Variants in MTHFD2 observed in about 807,000 individuals in gnomAD.
MTHFD2 encodes bifunctional methylenetetrahydrofolate dehydrogenase/cyclohydrolase, mitochondrial.
MTHFD2 carries 26 observed loss-of-function variants against 36.8 expected under a neutral mutation model. The ratio of observed to expected loss-of-function variants is 0.71; its 90% CI spans 0.52 to 0.98. The LOEUF (loss-of-function observed/expected upper bound fraction) is 0.98. Ranked by LOEUF, MTHFD2 falls within the 50% of genes least tolerant of loss-of-function variation. The pLI, the probability that MTHFD2 is intolerant of heterozygous loss-of-function variation, is 0.00. For synonymous variants in MTHFD2, 164 were observed against 155.2 expected, an observed-to-expected ratio of 1.06 and a Z score of -0.42; for missense variants, 373 against 434.0, an observed-to-expected ratio of 0.86 and a Z score of 1.25.
chr2:74,205,795 C>T lies in MTHFD2; in HGVS notation c.192C>T (p.Gly64=). 1 of 1,613,718 alleles carries T rather than the reference C, an allele frequency of 6.2e-7. No individual in the cohort carries two copies. Among genetic ancestry groups the T allele is most frequent in the Non-Finnish European group, 8.5e-7 (1 of 1,180,016 alleles). Residue 64 remains glycine (G), a synonymous_variant, in exon 2 of 8, where the codon GGC becomes GGT. Coordinates refer to ENST00000394053, the MANE Select transcript of MTHFD2 (RefSeq NM_006636.4). The part of the protein sequence containing the change: ...RQEVEEWVAS[G]NKRPHLSVIL... ...AGGTAGAAGAGTGGGTGGCCTCAGGCAACAAACGGCCACACCTGAGTGTGA... is the reference window on the plus strand; with the variant it reads ...AGGTAGAAGAGTGGGTGGCCTCAGGTAACAAACGGCCACACCTGAGTGTGA...
In MTHFD2 at chr2:74,211,200, T is replaced by C. The variant is rs781146013; in HGVS notation, c.672T>C (p.Gly224=). ...HTDGAHERPG[G]DATVTISHRY... Reference sequence around the variant, plus strand: ...AGACATCTATTTTTTTCTTTCTAGGTGATGCCACTGTTACAATATCTCATC... The same window carrying C: ...AGACATCTATTTTTTTCTTTCTAGGCGATGCCACTGTTACAATATCTCATC... The change falls in exon 6 of 8, where the codon GGT becomes GGC. Residue 224 remains glycine (G), a splice_region_variant and synonymous_variant. Coordinates refer to ENST00000394053, the MANE Select transcript of MTHFD2 (RefSeq NM_006636.4). 7.5e-6 allele frequency: 12 copies of C among 1,596,936 alleles called. 1 individual carries two copies. In the East Asian group the frequency reaches 2.5e-4, roughly 33 times the overall value.
At position 74,198,731 on chromosome 2, in the gene MTHFD2, C is replaced by G; in HGVS notation, c.90C>G (p.Leu30=). The G allele has an allele frequency of 1.9e-6, 3 of 1,609,058 alleles. No individual in the cohort carries two copies. Among genetic ancestry groups the G allele is most frequent in the Non-Finnish European group, 2.5e-6 (3 of 1,178,218 alleles). Residue 30 remains leucine, a synonymous_variant, in exon 1 of 8, where the codon CTC becomes CTG. Coordinates refer to ENST00000394053, the MANE Select transcript of MTHFD2 (RefSeq NM_006636.4). ...CCCTTCGCCTTCGCCCTTTCCACCT[C>G]GCGGCAGTTCGGTAAGAGGGTCACA... is the stretch of plus-strand genomic sequence containing the variant. The part of the protein sequence containing the change: ...SCSLRLRPFH[L]AAVRNEAVVI...
At position 74,205,898 on chromosome 2, in the gene MTHFD2, CCTT is replaced by C. The variant is rs1694168844; in HGVS notation, c.286+12_286+14del. 2.5e-6 allele frequency: 4 copies of C among 1,606,482 alleles called. No homozygotes were observed. Among genetic ancestry groups the C allele is most frequent in the Admixed American group, 1.7e-5 (1 of 59,452 alleles). On this transcript the variant is annotated intron_variant, in intron 2 of 7. Coordinates refer to ENST00000394053, the MANE Select transcript of MTHFD2 (RefSeq NM_006636.4). Reference sequence around the variant, plus strand: ...GGCAGCTGCAGTTGTGGGTATGTGTCCTTCTGAGACCTCGACTGCGGTTCAGTT... The same window carrying C: ...GGCAGCTGCAGTTGTGGGTATGTGTCCTGAGACCTCGACTGCGGTTCAGTT...
chr2:74,210,328 T>C (rs1345398054), intron 5 of MTHFD2, among the ~76,000 whole-genome samples: 1 of 152,230 alleles, frequency 6.6e-6, no homozygotes, highest in Admixed American at 6.5e-5. Context: ...AGCTATAGCT[T>C]TGATAGCTGG....
At chr2:74,209,027 C>T (rs1048866902) in intron 4 of MTHFD2, among the ~76,000 whole-genome samples, 1 of 151,694 alleles carries the variant, frequency 6.6e-6, no homozygotes, top group Non-Finnish European at 1.5e-5. Context: ...GCACGTGCCA[C>T]CATGCCCAGC....
rs1435168936 is a variant in MTHFD2 at position 74,205,813 on chromosome 2, G to A, written c.210G>A (p.Leu70=). 7 of 1,613,766 alleles carry A rather than the reference G, an allele frequency of 4.3e-6. No homozygotes were observed. The part of the protein sequence containing the change: ...WVASGNKRPH[L]SVILVGENPA... ...CCTCAGGCAACAAACGGCCACACCT[G>A]AGTGTGATCCTGGTTGGCGAGAATC... The change falls in exon 2 of 8, where the codon CTG becomes CTA. Residue 70 remains leucine, a synonymous_variant. Transcript: ENST00000394053.
chr2:74,211,828 C>T lies in MTHFD2; in HGVS notation c.851C>T (p.Thr284Ile). 1.2e-6 allele frequency: 2 copies of T among 1,611,206 alleles called. No homozygotes were observed. ...VGINRVHDPV[T>I]AKPKLVGDVD... ...ATAAATAGAGTTCACGATCCTGTAA[C>T]TGCCAAACCCAAGTTGGTTGGAGAT... Residue 284 changes from threonine (T) to isoleucine (I), a missense_variant, in exon 7 of 8, where the codon ACT (threonine) becomes ATT (isoleucine). By Grantham distance (89) the Thr-to-Ile change is moderately conservative. Transcript: ENST00000394053.
chr2:74,199,789 A>G (rs1218652001), intron 1 of MTHFD2, among the ~76,000 whole-genome samples: 1 of 151,822 alleles, frequency 6.6e-6, no homozygotes, highest in Non-Finnish European at 1.5e-5. Flanking sequence ...AAAAATATAC[A>G]GGGGAGGAGG....
rs1259408720 is a variant in MTHFD2 at position 74,214,201 on chromosome 2, G to T, written c.1012G>T (p.Glu338Ter). Residue 338 changes from glutamate (E) to a stop codon, truncating the protein, a stop_gained, in exon 8 of 8, where the codon GAA (glutamate) becomes TAA (stop). Transcript: ENST00000394053. LOFTEE classifies it high-confidence loss of function. ...AAAGGTGCTGAGGCTTGAAGAGCGA[G>T]AAGTGCTGAAGTCTAAAGAGCTTGG... is the stretch of plus-strand genomic sequence containing the variant. ...AKKVLRLEER[E>*]VLKSKELGVA... is the part of the protein sequence containing the mutation. 1 of 1,614,048 alleles carries T rather than the reference G, an allele frequency of 6.2e-7. No individual in the cohort carries two copies.
Position 74,208,599 on chromosome 2 carries a change from C to A in MTHFD2, c.440C>A (p.Ala147Asp), listed in dbSNP as rs768523630. ...EHIDERRICN[A>D]VSPDKDVDGF... The stretch of plus-strand genomic sequence containing the variant: ...ATTGATGAGAGAAGGATCTGCAATG[C>A]TGTTTCTCCAGACAAGGATGTTGAT... Residue 147 changes from alanine (A) to aspartate (D), a missense_variant, in exon 4 of 8, where the codon GCT (alanine) becomes GAT (aspartate). Transcript: ENST00000394053. 5.0e-6 allele frequency: 8 copies of A among 1,614,050 alleles called. No homozygotes were observed. The highest frequency in any genetic ancestry group is 6.8e-6 in the Non-Finnish European group (8 of 1,180,018).
rs1298780799 is a variant in MTHFD2 at position 74,214,196 on chromosome 2, A to T, written c.1007A>T (p.Glu336Val). ...GCAAAAAAGGTGCTGAGGCTTGAAG[A>T]GCGAGAAGTGCTGAAGTCTAAAGAG... The part of the protein sequence containing the change: ...IAAKKVLRLE[E>V]REVLKSKELG... The change falls in exon 8 of 8, where the codon GAG (glutamate) becomes GTG (valine). Residue 336 changes from glutamate to valine, a missense_variant. Physicochemically the swap from Glu to Val is moderately radical, Grantham distance 121. Transcript: ENST00000394053. 2 of 1,614,026 alleles carry T rather than the reference A, an allele frequency of 1.2e-6. No homozygotes were observed. Among genetic ancestry groups the T allele is most frequent in the African/African-American group, 2.7e-5 (2 of 74,948 alleles).
intron 2 of MTHFD2, 47 bp downstream of exon 2, chr2:74,205,936 A>T (rs780295955): frequency 3.2e-6 from 5 of 1,566,810 alleles, no homozygotes; most frequent in Non-Finnish European, 4.4e-6. Context: ...TGAGGTTTAT[A>T]TGAGGCAAAG....
At chr2:74,209,850 T>C in intron 4 of MTHFD2, 92 bp from the exon 5 acceptor site, 3 of 981,872 alleles carry the variant, frequency 3.1e-6, no homozygotes, top group Non-Finnish European at 4.4e-6. Flanking sequence ...AGTTGACTGA[T>C]GAGGCAAAAT....
Position 74,214,369 on chromosome 2 carries a change from A to G in MTHFD2, c.*127A>G. ...TTAAAATGATGCCTTGTATTTATTG[A>G]AAGCTTAAATGGGTGGGTGTTTCTG... On this transcript the variant is annotated 3_prime_UTR_variant, in exon 8 of 8. Transcript: ENST00000394053. 8.8e-7 allele frequency: 1 copy of G among 1,140,228 alleles called. No individual in the cohort carries two copies. Among genetic ancestry groups the G allele is most frequent in the East Asian group, 2.7e-5 (1 of 37,700 alleles). The allele number at this position is 1,140,228 out of a possible 1,614,324, so 70.6% of individuals were successfully genotyped here. A position where few individuals can be genotyped will look rare whatever the true frequency, so the allele number is the denominator to read the frequency against.
chr2:74,216,215 A>T lies in MTHFD2; in HGVS notation c.*1973A>T, dbSNP rs1439742092. 6.6e-6 allele frequency: 1 copy of T among 152,206 alleles called. No homozygotes were observed. The highest frequency in any genetic ancestry group is 2.4e-5 in the African/African-American group (1 of 41,450). The allele number at this position is 152,206 out of a possible 1,614,324, so 9.4% of individuals were successfully genotyped here. A position where few individuals can be genotyped will look rare whatever the true frequency, so the allele number is the denominator to read the frequency against. ...TTATGTCTCTAATCCATGCCTGCTT[A>T]CCTAGATTATTAAATGTGGAGCAAG... On this transcript the variant is annotated 3_prime_UTR_variant, in exon 8 of 8. Transcript: ENST00000394053.
At position 74,214,222 on chromosome 2, in the gene MTHFD2, C is replaced by T; in HGVS notation, c.1033C>T (p.Leu345Phe). Reference protein sequence around the residue: ...EEREVLKSKELGVATN With the variant: ...EEREVLKSKEFGVATN The stretch of plus-strand genomic sequence containing the variant: ...GCGAGAAGTGCTGAAGTCTAAAGAG[C>T]TTGGGGTAGCCACTAATTAACTACT... Residue 345 changes from leucine (L) to phenylalanine (F), a missense_variant, in exon 8 of 8, where the codon CTT becomes TTT. By Grantham distance (22) the Leu-to-Phe change is conservative (BLOSUM62 0). Coordinates refer to ENST00000394053, the MANE Select transcript of MTHFD2 (RefSeq NM_006636.4). The T allele has an allele frequency of 1.2e-6, 2 of 1,613,902 alleles. No homozygotes were observed. The highest frequency in any genetic ancestry group is 1.7e-5 in the Admixed American group (1 of 59,994).
chr2:74,211,181 C>T lies in MTHFD2; in HGVS notation c.671-18C>T. 6.6e-7 allele frequency: 1 copy of T among 1,515,726 alleles called. No homozygotes were observed. The highest frequency in any genetic ancestry group is 9.1e-7 in the Non-Finnish European group (1 of 1,093,194). The allele number at this position is 1,515,726 out of a possible 1,614,324, so 93.9% of individuals were successfully genotyped here. A position where few individuals can be genotyped will look rare whatever the true frequency, so the allele number is the denominator to read the frequency against. The stretch of plus-strand genomic sequence containing the variant: ...AGCTTTGTGTCAGAAATCAAGACAT[C>T]TATTTTTTTCTTTCTAGGTGATGCC... On this transcript the variant is annotated intron_variant, in intron 5 of 7. Coordinates refer to ENST00000394053, the MANE Select transcript of MTHFD2 (RefSeq NM_006636.4).
At position 74,211,841 on chromosome 2, in the gene MTHFD2, G is replaced by A. The variant is rs1024770127; in HGVS notation, c.864G>A (p.Lys288=). 2.9e-5 allele frequency: 47 copies of A among 1,609,008 alleles called. No individual in the cohort carries two copies. The African/African-American group carries it at 5.2e-4, about 18-fold the overall frequency. ...ACGATCCTGTAACTGCCAAACCCAAGTTGGTTGGAGATGTGGATTTTGAAG... is the reference window on the plus strand; with the variant it reads ...ACGATCCTGTAACTGCCAAACCCAAATTGGTTGGAGATGTGGATTTTGAAG... ...RVHDPVTAKP[K]LVGDVDFEGV... Residue 288 remains lysine (K), a synonymous_variant, in exon 7 of 8, where the codon AAG becomes AAA. Transcript: ENST00000394053.
chr2:74,217,158 A>C lies in MTHFD2; in HGVS notation c.*2916A>C, dbSNP rs569743618. 3 of 152,340 alleles carry C rather than the reference A, an allele frequency of 2.0e-5. No individual in the cohort carries two copies. In the South Asian group the frequency reaches 6.2e-4, roughly 32 times the overall value. 9.4% of individuals were successfully genotyped at this position (152,340 alleles called of 1,614,324 possible). On this transcript the variant is annotated 3_prime_UTR_variant, in exon 8 of 8. Coordinates refer to ENST00000394053, the MANE Select transcript of MTHFD2 (RefSeq NM_006636.4). ...GATCTAGTGTCATTTTTCTTTAAAA[A>C]AGAAAGCACCTGCATTTGTCATCTT...
Sources: gnomAD v4.1 joint callset for allele counts (sites outside exome capture counted in the v4.1 genomes callset) on GRCh38, gnomAD v4.1.1 for gene constraint, MANE v1.5 for transcripts, NCBI Gene and HGNC (gene_info 2026-07-23, HGNC 2026-07-21) for gene names.